The following SCLT1 variants were observed in gnomAD, a reference collection of about 807,000 sequenced individuals.
SCLT1 encodes sodium channel and clathrin linker 1.
Under a neutral mutation model 112.8 loss-of-function variants are expected in SCLT1, and 78 were observed. The observed-to-expected ratio is 0.69, with a 90% CI of 0.58 to 0.83. The LOEUF is 0.83. SCLT1 is among the 40% of genes least tolerant of loss of function. The pLI, the probability that SCLT1 is intolerant of heterozygous loss-of-function variation, is 0.00. For missense variants in SCLT1, 747 were observed against 770.4 expected (o/e 0.97, Z 0.36); for synonymous variants, 257 against 254.7 (o/e 1.01, Z -0.09).
chr4:128,885,385 A>G lies in SCLT1; in HGVS notation c.2005-846T>C, dbSNP rs545533721. On this transcript the variant is annotated intron_variant, in intron 20 of 20. Transcript: ENST00000281142. The stretch of plus-strand genomic sequence containing the variant: ...AAGTATGTTTCCGTAAATATTTTAA[A>G]TGAGAATATATGTATTTCTTCATTC... Among the ~76,000 whole-genome samples the G allele has an allele frequency of 1.1e-4, 16 of 152,352 alleles. No homozygotes were observed. The South Asian group carries it at 3.3e-3, about 32-fold the overall frequency.
intron 8 of SCLT1, among the ~76,000 whole-genome samples, chr4:128,995,501 T>C (rs1742934109): frequency 6.6e-6 from 1 of 152,140 alleles, no homozygotes; most frequent in Admixed American, 6.5e-5. Context: ...GGTTCTTCAT[T>C]TTTCCTTGAC....
chr4:128,944,788 T>C (rs1041215561), intron 16 of SCLT1: 3 of 152,198 alleles, frequency 2.0e-5, no homozygotes, highest in African/African-American at 7.2e-5. Context: ...TCCTCCTGTC[T>C]TGATGAACGC....
intron 4 of SCLT1, chr4:129,040,145 A>G: frequency 1.4e-6 from 1 of 702,376 alleles, no homozygotes; most frequent in South Asian, 1.5e-5. Flanking sequence ...GGTCTAGGAG[A>G]TCAGAATAGC....
intron 2 of SCLT1, among the ~76,000 whole-genome samples, chr4:129,053,732 TG>T (rs1031867883): frequency 9.9e-5 from 15 of 152,032 alleles, no homozygotes; most frequent in African/African-American, 1.4e-4. Context: ...GTCTTTTAAT[TG>T]GGGCATTTAG....
intron 1 of SCLT1, among the ~76,000 whole-genome samples, chr4:129,092,110 C>T (rs1014364463): frequency 1.3e-5 from 2 of 152,126 alleles, no homozygotes; most frequent in Admixed American, 6.6e-5. Flanking sequence ...AAAATCAGAC[C>T]GGGCCTTCTA....
chr4:128,991,949 CTG>C (rs1290127121), intron 9 of SCLT1, among the ~76,000 whole-genome samples: 1 of 151,738 alleles, frequency 6.6e-6, no homozygotes, highest in Non-Finnish European at 1.5e-5. Flanking sequence ...ACTTGAACAT[CTG>C]TGTATTTAAA....
rs1463113313 is a variant in SCLT1, at chr4:128,992,221, A to G, written c.632T>C (p.Leu211Pro). 1.9e-6 allele frequency: 3 copies of G among 1,600,256 alleles called. No individual in the cohort carries two copies. Among genetic ancestry groups the G allele is most frequent in the Non-Finnish European group, 2.6e-6 (3 of 1,171,920 alleles). The change falls in exon 9 of 21, where the codon CTG becomes CCG. Residue 211 changes from leucine (L) to proline (P), a missense_variant. Physicochemically the swap from Leu to Pro is moderately conservative, Grantham distance 98. This residue lies in a region of SCLT1 where 723 missense variants were observed against 721.3 expected (regional missense o/e 1.00). Coordinates refer to ENST00000281142, the MANE Select transcript of SCLT1 (RefSeq NM_144643.4). ...CACACTTTGTTCAGTTACTGTTTTC[A>G]GAAACTGTTGGTTAGTCTGCCACAA... ...ENMEVTNQQF[L>P]KTVTEQSVII...
chr4:128,889,351 A>G (rs1579287237), intron 19 of SCLT1, among the ~76,000 whole-genome samples: 2 of 152,324 alleles, frequency 1.3e-5, no homozygotes, highest in East Asian at 3.9e-4. Context: ...TAAAAGGGGA[A>G]ATTTGGACAC....
intron 13 of SCLT1, among the ~76,000 whole-genome samples, chr4:128,954,405 G>A (rs1035925757): frequency 7.6e-5 from 11 of 145,004 alleles, no homozygotes; most frequent in Non-Finnish European, 1.3e-4. Flanking sequence ...GGCAAGCCCC[G>A]CCTCCTGGGT....
chr4:129,030,153 A>T (rs1165028094), intron 5 of SCLT1, among the ~76,000 whole-genome samples: 1 of 152,184 alleles, frequency 6.6e-6, no homozygotes, highest in African/African-American at 2.4e-5. Flanking sequence ...CGGGATTAAG[A>T]AACTCACTCA....
At position 129,025,620 on chromosome 4, in the gene SCLT1, G is replaced by A. The variant is rs887249469; in HGVS notation, c.290+13421C>T. On this transcript the variant is annotated intron_variant, in intron 5 of 20. Coordinates refer to ENST00000281142, the MANE Select transcript of SCLT1 (RefSeq NM_144643.4). The stretch of plus-strand genomic sequence containing the variant: ...ATGCCAAATTGTAAAGACCATCGAG[G>A]CTAGGAAGAAACTGCATAAACTAAC... 3.7e-3 allele frequency among the ~76,000 whole-genome samples: 564 copies of A among 152,184 alleles called. 1 individual carries two copies. Among genetic ancestry groups the A allele is most frequent in the African/African-American group, 0.011 (464 of 41,518 alleles).
chr4:129,063,042 T>A (rs1750132273), intron 2 of SCLT1, among the ~76,000 whole-genome samples: 1 of 152,238 alleles, frequency 6.6e-6, no homozygotes, highest in East Asian at 1.9e-4. Flanking sequence ...CAATGTCTCA[T>A]AAATATCTTA....
chr4:128,990,045 C>G (rs529533713), intron 9 of SCLT1, among the ~76,000 whole-genome samples: 1 of 151,756 alleles, frequency 6.6e-6, no homozygotes, highest in Non-Finnish European at 1.5e-5. Context: ...TAATACCAAT[C>G]CTACTCTAAC....
chr4:128,999,525 A>G (rs911332936), intron 7 of SCLT1, 147 bp downstream of exon 7: 12 of 441,320 alleles, frequency 2.7e-5, no homozygotes, highest in Admixed American at 1.6e-4. Context: ...TAACCATCAA[A>G]GATCTATATA....
chr4:129,080,203 G>A (rs1751815564), intron 2 of SCLT1, among the ~76,000 whole-genome samples: 1 of 152,154 alleles, frequency 6.6e-6, no homozygotes, highest in Non-Finnish European at 1.5e-5. Context: ...CTTTACTTAT[G>A]CAAATTTCTG....
intron 6 of SCLT1, among the ~76,000 whole-genome samples, chr4:129,001,722 C>T (rs1743503431): frequency 6.6e-6 from 1 of 151,974 alleles, no homozygotes; most frequent in Non-Finnish European, 1.5e-5. Flanking sequence ...AGGTACTTAG[C>T]ATTGTGCTAT....
intron 4 of SCLT1, among the ~76,000 whole-genome samples, chr4:129,042,774 G>A (rs1747814828): frequency 6.6e-6 from 1 of 152,066 alleles, no homozygotes; most frequent in Admixed American, 6.6e-5. Context: ...TCAGCCTTCT[G>A]AGTAGCTAGG....
chr4:128,941,709 T>G (rs536794103), intron 17 of SCLT1, among the ~76,000 whole-genome samples: 1 of 152,166 alleles, frequency 6.6e-6, no homozygotes, highest in African/African-American at 2.4e-5. Context: ...ATGGTTAGTG[T>G]TTTTTTGTGC....
chr4:128,893,194 CTAT>C (rs66963765), intron 18 of SCLT1, among the ~76,000 whole-genome samples: 110,264 of 151,852 alleles, frequency 0.73, 40,341 homozygotes, highest in African/African-American at 0.82. Context: ...CATGCCTAAA[CTAT>C]TATTCACTTA....
Sources: allele counts gnomAD v4.1 joint callset (sites outside exome capture counted in the v4.1 genomes callset), GRCh38; gene constraint gnomAD v4.1.1; regional missense constraint gnomAD v4.1.1; transcripts MANE v1.5; gene names NCBI Gene and HGNC (gene_info 2026-07-23, HGNC 2026-07-21).